TMEM132C: variants seen among roughly 807,000 people sequenced by gnomAD.
TMEM132C encodes transmembrane protein 132C, also known as protein phosphatase 1, regulatory subunit 152.
A neutral mutation model predicts 61.4 loss-of-function variants in TMEM132C; 29 were observed. The ratio of observed to expected loss-of-function variants is 0.47; its 90% CI spans 0.35 to 0.64. TMEM132C has a LOEUF of 0.64. Ranked by LOEUF, TMEM132C falls within the 30% of genes least tolerant of loss-of-function variation. The probability of loss-of-function intolerance (pLI) is 0.00; values close to 1 mark genes in which losing one functional copy is unlikely to be tolerated. For missense variants in TMEM132C, 1,408 were observed against 1,476.9 expected (o/e 0.95, Z 0.76); for synonymous variants, 656 against 633.1 (o/e 1.04, Z -0.54).
At chr12:128,687,763 A>G (rs1214490756) in intron 5 of TMEM132C, among the ~76,000 whole-genome samples, 1 of 152,222 alleles carries the variant, frequency 6.6e-6, no homozygotes, top group Non-Finnish European at 1.5e-5. Context: ...ATTTTCCAAC[A>G]ATAGCCCTAG....
At chr12:128,273,221 T>C (rs1197933610) in intron 1 of TMEM132C, among the ~76,000 whole-genome samples, 1 of 152,198 alleles carries the variant, frequency 6.6e-6, no homozygotes, top group South Asian at 2.1e-4. Flanking sequence ...TCGTTTCATG[T>C]ATTTTGAACA....
At chr12:128,453,517 G>A (rs1231396978) in intron 2 of TMEM132C, among the ~76,000 whole-genome samples, 1 of 152,144 alleles carries the variant, frequency 6.6e-6, no homozygotes, top group Non-Finnish European at 1.5e-5. Flanking sequence ...ACACTGCTGG[G>A]CTCAAAGAGT....
chr12:128,402,856 ACT>A (rs1422205738), intron 1 of TMEM132C, among the ~76,000 whole-genome samples: 2 of 152,000 alleles, frequency 1.3e-5, no homozygotes, highest in African/African-American at 4.8e-5. Context: ...GAAGTCCAAG[ACT>A]CTGAAGATTT....
chr12:128,695,717 G>T (rs1954755388), intron 6 of TMEM132C, 113 bp from the exon 7 acceptor site: 7 of 1,214,266 alleles, frequency 5.8e-6, no homozygotes, highest in Non-Finnish European at 7.8e-6. Flanking sequence ...CATGGTCCTG[G>T]CGCTCGTGTC....
chr12:128,406,132 G>A (rs1363296005), intron 1 of TMEM132C, among the ~76,000 whole-genome samples: 1 of 152,184 alleles, frequency 6.6e-6, no homozygotes, highest in East Asian at 1.9e-4. Flanking sequence ...CCTGGTACTG[G>A]ATGTCAGAAT....
chr12:128,502,617 G>A (rs559855127), intron 2 of TMEM132C, among the ~76,000 whole-genome samples: 86 of 152,296 alleles, frequency 5.6e-4, no homozygotes, highest in African/African-American at 2.0e-3. Flanking sequence ...TAGTGTCCCC[G>A]ACCAGCTGCG....
chr12:128,395,609 C>A (rs1487930053), intron 1 of TMEM132C, among the ~76,000 whole-genome samples: 3 of 152,312 alleles, frequency 2.0e-5, no homozygotes, highest in Admixed American at 6.5e-5. Context: ...TACACCTGGG[C>A]AAAATCATCG....
Position 128,598,350 on chromosome 12 carries a change from C to T in TMEM132C, c.1122-17802C>T, listed in dbSNP as rs575584563. Among the ~76,000 whole-genome samples the T allele has an allele frequency of 5.9e-5, 9 of 152,164 alleles. No homozygotes were observed. In the East Asian group the frequency reaches 9.7e-4, roughly 16 times the overall value. On this transcript the variant is annotated intron_variant, in intron 3 of 8. Transcript: ENST00000435159. Reference sequence around the variant, plus strand: ...ACTTGGTAGGCTGAGGCAGGAGAATCGCTTGAACCTGGGAGGCGGAGATTG... The same window carrying T: ...ACTTGGTAGGCTGAGGCAGGAGAATTGCTTGAACCTGGGAGGCGGAGATTG...
chr12:128,581,642 G>A (rs1035689703), intron 3 of TMEM132C, among the ~76,000 whole-genome samples: 2 of 152,200 alleles, frequency 1.3e-5, no homozygotes, highest in South Asian at 2.1e-4. Flanking sequence ...GCTGGAGTGC[G>A]TTTCAGAGCC....
intron 2 of TMEM132C, among the ~76,000 whole-genome samples, chr12:128,541,870 A>G (rs1036407847): frequency 2.0e-5 from 3 of 152,082 alleles, no homozygotes; most frequent in African/African-American, 7.2e-5. Context: ...GATGCAGTCT[A>G]GGGGGACCCG....
chr12:128,566,189 C>CGAAAAAAAAAAAAAA (rs1874693579), intron 3 of TMEM132C, among the ~76,000 whole-genome samples: 1 of 67,858 alleles, frequency 1.5e-5, no homozygotes, highest in Non-Finnish European at 3.2e-5. Context: ...CAAGCCTAAC[C>CGAAAAAAAAAAAAAA]AAAAAAAAAA....
At chr12:128,385,520 T>C (rs762679223) in intron 1 of TMEM132C, among the ~76,000 whole-genome samples, 7 of 152,218 alleles carry the variant, frequency 4.6e-5, no homozygotes, top group Non-Finnish European at 7.3e-5. Context: ...GCCCCTAAAA[T>C]GTTTCCGTTT....
intron 4 of TMEM132C, among the ~76,000 whole-genome samples, chr12:128,643,019 G>A (rs1372162588): frequency 1.3e-5 from 2 of 152,198 alleles, no homozygotes; most frequent in Non-Finnish European, 2.9e-5. Flanking sequence ...TATCATTGTA[G>A]CGATCTCTCA....
chr12:128,658,358 A>G (rs926517757), intron 4 of TMEM132C, among the ~76,000 whole-genome samples: 14 of 152,156 alleles, frequency 9.2e-5, no homozygotes, highest in African/African-American at 3.4e-4. Context: ...TCAAAACTGG[A>G]CCTTTCTTCC....
intron 4 of TMEM132C, among the ~76,000 whole-genome samples, chr12:128,616,867 G>T (rs1017641173): frequency 6.6e-6 from 1 of 152,186 alleles, no homozygotes; most frequent in Non-Finnish European, 1.5e-5. Context: ...TCACAATGTG[G>T]CCACTCTTAG....
Position 128,693,886 on chromosome 12 carries a change from G to A in TMEM132C, c.1507G>A (p.Asp503Asn). Residue 503 changes from aspartate (D) to asparagine (N), a missense_variant, in exon 6 of 9, where the codon GAT (aspartate) becomes AAT (asparagine). By Grantham distance (23) the Asp-to-Asn change is conservative. Coordinates refer to ENST00000435159, the MANE Select transcript of TMEM132C (RefSeq NM_001136103.3). ...TGGCAAAGAGATCAAAGGAAAGATG[G>A]ATGCGGTGGTGAACTTCACATACCA... ...VNGKEIKGKM[D>N]AVVNFTYQYL... 6.4e-7 allele frequency: 1 copy of A among 1,551,748 alleles called. No individual in the cohort carries two copies. Among genetic ancestry groups the A allele is most frequent in the South Asian group, 1.2e-5 (1 of 84,068 alleles).
At position 128,446,170 on chromosome 12, in the gene TMEM132C, T is replaced by C. The variant is rs150637954; in HGVS notation, c.974+30550T>C. On this transcript the variant is annotated intron_variant, in intron 2 of 8. Transcript: ENST00000435159. ...CAGCGTGAATGCCGGATTCTCCCCA[T>C]GACCAGGGTGAAATCAGCGGCAATT... Among the ~76,000 whole-genome samples the C allele has an allele frequency of 3.2e-4, 48 of 152,324 alleles. No individual in the cohort carries two copies. The East Asian group carries it at 7.9e-3, about 25-fold the overall frequency.
intron 3 of TMEM132C, among the ~76,000 whole-genome samples, chr12:128,555,508 A>C (rs1874302733): frequency 6.6e-6 from 1 of 152,156 alleles, no homozygotes; most frequent in Admixed American, 6.5e-5. Context: ...CCCACTCCAC[A>C]CACGCAAAAC....
intron 3 of TMEM132C, among the ~76,000 whole-genome samples, chr12:128,593,298 C>CCT (rs554246929): frequency 2.7e-5 from 4 of 149,800 alleles, no homozygotes; most frequent in African/African-American, 9.8e-5. Flanking sequence ...TTTCCTTTTC[C>CCT]CTCTCTCTCT....
Sources: gnomAD v4.1 joint callset for allele counts (sites outside exome capture counted in the v4.1 genomes callset) on GRCh38, gnomAD v4.1.1 for gene constraint, MANE v1.5 for transcripts, NCBI Gene and HGNC (gene_info 2026-07-23, HGNC 2026-07-21) for gene names.